The following KCTD13 variants were observed in gnomAD, a reference collection of about 807,000 sequenced individuals.
KCTD13 encodes the protein BTB/POZ domain-containing adapter for CUL3-mediated RhoA degradation protein 1.
Under a neutral mutation model 32.3 loss-of-function variants are expected in KCTD13, and 15 were observed. The ratio of observed to expected loss-of-function variants is 0.46; its 90% CI spans 0.31 to 0.71. The LOEUF (loss-of-function observed/expected upper bound fraction) is 0.71, where lower values mean the gene tolerates loss of function less well. KCTD13 is among the 30% of genes least tolerant of loss of function. The pLI is 0.05. For missense variants in KCTD13, 337 were observed against 452.6 expected (o/e 0.74, Z 2.32); for synonymous variants, 189 against 200.1 (o/e 0.94, Z 0.47).
In KCTD13 at chr16:29,926,140, C is replaced by A. The variant is rs1255154714; in HGVS notation, c.-107G>T. ...AGCCCTTGGGCCAGACCGCTCGGCG[C>A]ACACGCCCACTCACCGCAGCTACTC... On this transcript the variant is annotated 5_prime_UTR_variant, in exon 1 of 6. Transcript: ENST00000568000. 17 of 1,250,720 alleles carry A rather than the reference C, an allele frequency of 1.4e-5. No homozygotes were observed. Among genetic ancestry groups the A allele is most frequent in the Middle Eastern group, 5.7e-4 (2 of 3,512 alleles). The allele number at this position is 1,250,720 out of a possible 1,614,324, so 77.5% of individuals were successfully genotyped here.
intron 2 of KCTD13, among the ~76,000 whole-genome samples, chr16:29,918,352 G>A (rs891434905): frequency 2.6e-5 from 4 of 152,188 alleles, no homozygotes; most frequent in African/African-American, 9.7e-5. Context: ...CATTAATGAC[G>A]AGTCATATTA....
Position 29,906,526 on chromosome 16 carries a change from T to C in KCTD13, c.*346A>G. On this transcript the variant is annotated 3_prime_UTR_variant, in exon 6 of 6. Transcript: ENST00000568000. ...ACGCGGGAGGCTGCTCAGACTGTGGTGATGTCAGGAAGGGCCGCACACTTT... is the reference window on the plus strand; with the variant it reads ...ACGCGGGAGGCTGCTCAGACTGTGGCGATGTCAGGAAGGGCCGCACACTTT... 1 of 483,492 alleles carries C rather than the reference T, an allele frequency of 2.1e-6. No individual in the cohort carries two copies. The highest frequency in any genetic ancestry group is 4.1e-6 in the Non-Finnish European group (1 of 245,190). The allele number at this position is 483,492 out of a possible 1,614,324, so 30.0% of individuals were successfully genotyped here.
intron 1 of KCTD13, among the ~76,000 whole-genome samples, chr16:29,924,720 C>CTTTTTT (rs1214482858): frequency 7.4e-6 from 1 of 135,972 alleles, no homozygotes; most frequent in Non-Finnish European, 1.6e-5. Flanking sequence ...GAATTCTTCC[C>CTTTTTT]TTTTTTTTTT....
intron 2 of KCTD13, 122 bp downstream of exon 2, chr16:29,923,068 G>T: frequency 9.2e-7 from 1 of 1,089,536 alleles, no homozygotes; most frequent in Non-Finnish European, 1.3e-6. Context: ...AAATTCTCTG[G>T]GGTTATGGCC....
chr16:29,906,595 C>T lies in KCTD13; in HGVS notation c.*277G>A. ...AAAAAAGAGAAAGGGAATTCTAAAT[C>T]CCTCTTAACCAGCTGGAGAGGGAAG... On this transcript the variant is annotated 3_prime_UTR_variant, in exon 6 of 6. Transcript: ENST00000568000. 1.6e-6 allele frequency: 1 copy of T among 611,258 alleles called. No homozygotes were observed. Among genetic ancestry groups the T allele is most frequent in the Non-Finnish European group, 3.1e-6 (1 of 325,584 alleles). 37.9% of individuals were successfully genotyped at this position (611,258 alleles called of 1,614,324 possible).
intron 2 of KCTD13, chr16:29,913,230 C>G (rs930571765): frequency 4.0e-5 from 6 of 151,586 alleles, no homozygotes; most frequent in African/African-American, 1.2e-4. Context: ...TCAAGCCATC[C>G]TCCCAAACTT....
Position 29,910,899 on chromosome 16 carries a change from C to T in KCTD13, c.753+79G>A. The T allele has an allele frequency of 1.1e-5, 15 of 1,389,836 alleles. No individual in the cohort carries two copies. In the South Asian group the frequency reaches 1.6e-4, roughly 15 times the overall value. 86.1% of individuals were successfully genotyped at this position (1,389,836 alleles called of 1,614,324 possible). Reference sequence around the variant, plus strand: ...CTGCCTCCTGGTGGTGGGCTCCTTCCCCTGCCAACCTGCTTTTGTCCAGGG... The same window carrying T: ...CTGCCTCCTGGTGGTGGGCTCCTTCTCCTGCCAACCTGCTTTTGTCCAGGG... On this transcript the variant is annotated intron_variant, in intron 5 of 5. Transcript: ENST00000568000.
At chr16:29,909,936 A>G (rs548670448) in intron 5 of KCTD13, among the ~76,000 whole-genome samples, 1 of 151,818 alleles carries the variant, frequency 6.6e-6, no homozygotes, top group South Asian at 2.1e-4. Flanking sequence ...AGTCTCTACT[A>G]AAAAATACAA....
At chr16:29,909,114 A>G (rs2068661760) in intron 5 of KCTD13, among the ~76,000 whole-genome samples, 1 of 152,110 alleles carries the variant, frequency 6.6e-6, no homozygotes, top group African/African-American at 2.4e-5. Flanking sequence ...GGGCCCAGCT[A>G]ATGGGAGATA....
At chr16:29,915,529 G>C (rs866128807) in intron 2 of KCTD13, among the ~76,000 whole-genome samples, 1 of 151,774 alleles carries the variant, frequency 6.6e-6, no homozygotes, top group Non-Finnish European at 1.5e-5. Context: ...GTGGGCACCT[G>C]TAATCGCAGC....
At chr16:29,917,328 T>C (rs2068827211) in intron 2 of KCTD13, among the ~76,000 whole-genome samples, 2 of 152,072 alleles carry the variant, frequency 1.3e-5, no homozygotes, top group Admixed American at 6.6e-5. Context: ...TAGATTAAAA[T>C]ACCCATATAT....
chr16:29,906,948 A>T lies in KCTD13; in HGVS notation c.914T>A (p.Val305Asp). ...GEDEENREHRVRRIHVRRHIT... is the reference protein window; with the variant it reads ...GEDEENREHRDRRIHVRRHIT... ...ATGGCGCCGGACATGGATCCTGCGGACACGGTGCTCTCGGTTCTCTTCATC... is the reference window on the plus strand; with the variant it reads ...ATGGCGCCGGACATGGATCCTGCGGTCACGGTGCTCTCGGTTCTCTTCATC... Residue 305 changes from valine to aspartate, a missense_variant, in exon 6 of 6, where the codon GTC becomes GAC. Around this residue, in one of 3 missense-constraint regions of KCTD13, gnomAD observed 252 missense variants for 340.2 expected, o/e 0.74. Transcript: ENST00000568000. 6.2e-7 allele frequency: 1 copy of T among 1,614,106 alleles called. No homozygotes were observed. Among genetic ancestry groups the T allele is most frequent in the Non-Finnish European group, 8.5e-7 (1 of 1,179,976 alleles).
In KCTD13 at chr16:29,912,027, G is replaced by A. The variant is rs750765239; in HGVS notation, c.437C>T (p.Pro146Leu). 89 of 1,609,408 alleles carry A rather than the reference G, an allele frequency of 5.5e-5. No individual in the cohort carries two copies. In the Admixed American group the frequency reaches 1.1e-3, roughly 19 times the overall value. The change falls in exon 3 of 6, where the codon CCG (proline) becomes CTG (leucine). Residue 146 changes from proline to leucine, a missense_variant. Pro to Leu is a moderately conservative substitution (Grantham distance 98, BLOSUM62 -3). Coordinates refer to ENST00000568000, the MANE Select transcript of KCTD13 (RefSeq NM_178863.5). ...TGTCACCATGGGGATGAGGCACAGCGGGGACAGCGTCTCCCTTTTTTGCTG... is the reference window on the plus strand; with the variant it reads ...TGTCACCATGGGGATGAGGCACAGCAGGGACAGCGTCTCCCTTTTTTGCTG... The part of the protein sequence containing the change: ...ALQQKRETLS[P>L]LCLIPMVTSP...
chr16:29,924,436 C>G (rs1455623937), intron 1 of KCTD13, among the ~76,000 whole-genome samples: 3 of 152,160 alleles, frequency 2.0e-5, no homozygotes, highest in Non-Finnish European at 2.9e-5. Context: ...GAAGTTAATT[C>G]TCACCATCCT....
At position 29,906,765 on chromosome 16, in the gene KCTD13, G is replaced by C; in HGVS notation, c.*107C>G. ...TGCCATGCAATGAAGGGACAGAGGA[G>C]GACCCACGACTTGGCCAGCAGAGCC... On this transcript the variant is annotated 3_prime_UTR_variant, in exon 6 of 6. Coordinates refer to ENST00000568000, the MANE Select transcript of KCTD13 (RefSeq NM_178863.5). 4.4e-6 allele frequency: 4 copies of C among 904,124 alleles called. No individual in the cohort carries two copies. The highest frequency in any genetic ancestry group is 2.1e-5 in the Admixed American group (1 of 48,772). 56.0% of individuals were successfully genotyped at this position (904,124 alleles called of 1,614,324 possible). A position where few individuals can be genotyped will look rare whatever the true frequency, so the allele number is the denominator to read the frequency against.
intron 5 of KCTD13, among the ~76,000 whole-genome samples, chr16:29,910,084 T>G (rs1597012662): frequency 3.1e-5 from 4 of 128,870 alleles, no homozygotes; most frequent in South Asian, 2.4e-4. Flanking sequence ...GGCAACAGAG[T>G]GAGACTCTGT....
intron 2 of KCTD13, chr16:29,913,681 T>G (rs1209940280): frequency 6.6e-6 from 1 of 151,930 alleles, no homozygotes; most frequent in African/African-American, 2.4e-5. Context: ...AGCTTGTTCA[T>G]GTGGCTGGCA....
intron 2 of KCTD13, chr16:29,914,615 T>C (rs986427783): frequency 1.3e-5 from 2 of 152,108 alleles, no homozygotes; most frequent in Non-Finnish European, 2.9e-5. Flanking sequence ...TTTTCTTTAG[T>C]AGAGACGGGA....
chr16:29,918,372 T>C (rs1740931967), intron 2 of KCTD13, among the ~76,000 whole-genome samples: 1 of 152,254 alleles, frequency 6.6e-6, no homozygotes, highest in African/African-American at 2.4e-5. Flanking sequence ...AACAATATTA[T>C]GGGTTGCTTG....
Sources: allele counts gnomAD v4.1 joint callset (sites outside exome capture counted in the v4.1 genomes callset), GRCh38; gene constraint gnomAD v4.1.1; regional missense constraint gnomAD v4.1.1; transcripts MANE v1.5; gene names NCBI Gene and HGNC (gene_info 2026-07-23, HGNC 2026-07-21).